SLC9A9: variants seen among roughly 807,000 people sequenced by gnomAD.
SLC9A9 encodes the protein solute carrier family 9 member A9, also known as sodium/hydrogen exchanger 9.
SLC9A9 carries 62 observed loss-of-function variants against 77.8 expected under a neutral mutation model. The ratio of observed to expected loss-of-function variants is 0.80; its 90% CI spans 0.65 to 0.98. The LOEUF (loss-of-function observed/expected upper bound fraction) is 0.98, where lower values mean the gene tolerates loss of function less well. Ranked by LOEUF, SLC9A9 falls within the 50% of genes least tolerant of loss-of-function variation. The probability of loss-of-function intolerance (pLI) is 0.00; values close to 1 mark genes in which losing one functional copy is unlikely to be tolerated. For synonymous variants in SLC9A9, 320 were observed against 283.5 expected (o/e 1.13, Z -1.29); for missense variants, 775 against 774.9 (o/e 1.00, Z 0.00).
At chr3:143,634,168 A>T (rs2038474610) in intron 6 of SLC9A9, among the ~76,000 whole-genome samples, 1 of 148,100 alleles carries the variant, frequency 6.8e-6, no homozygotes, top group African/African-American at 2.7e-5. Context: ...AAATTCAGTA[A>T]CTTTTTCAGA....
At chr3:143,743,726 C>A (rs998439649) in intron 4 of SLC9A9, among the ~76,000 whole-genome samples, 1 of 152,152 alleles carries the variant, frequency 6.6e-6, no homozygotes, top group Non-Finnish European at 1.5e-5. Context: ...AGAAATAATG[C>A]TTTATCTGTT....
At chr3:143,704,941 G>T (rs545062412) in intron 4 of SLC9A9, among the ~76,000 whole-genome samples, 1 of 151,860 alleles carries the variant, frequency 6.6e-6, no homozygotes, top group South Asian at 2.1e-4. Flanking sequence ...GCAGTCAGCT[G>T]AGATGGCCCC....
At chr3:143,447,625 C>T (rs77669916) in intron 12 of SLC9A9, among the ~76,000 whole-genome samples, 4,103 of 152,228 alleles carry the variant, frequency 0.027, 64 homozygotes, top group African/African-American at 0.041. Flanking sequence ...TCCAATACTA[C>T]GGAAAACCCT....
chr3:143,475,271 G>A (rs999791931), intron 11 of SLC9A9, among the ~76,000 whole-genome samples: 1 of 151,564 alleles, frequency 6.6e-6, no homozygotes, highest in Non-Finnish European at 1.5e-5. Context: ...CTGGCCGTTT[G>A]TTTTTCATTG....
chr3:143,477,247 T>G (rs2035491551), intron 11 of SLC9A9, among the ~76,000 whole-genome samples: 1 of 152,248 alleles, frequency 6.6e-6, no homozygotes, highest in East Asian at 1.9e-4. Flanking sequence ...TATCCTTGGC[T>G]TTCTTTCTCC....
At chr3:143,773,095 A>G (rs2007578257) in intron 4 of SLC9A9, among the ~76,000 whole-genome samples, 1 of 152,226 alleles carries the variant, frequency 6.6e-6, no homozygotes, top group African/African-American at 2.4e-5. Flanking sequence ...TACTGGTCCC[A>G]TTAGATCAAT....
chr3:143,744,155 TGCCCCCCA>T (rs754702172), intron 4 of SLC9A9, among the ~76,000 whole-genome samples: 1 of 152,214 alleles, frequency 6.6e-6, no homozygotes, highest in Non-Finnish European at 1.5e-5. Flanking sequence ...GAATTTTTAG[TGCCCCCCA>T]GCTTTAAAGA....
intron 6 of SLC9A9, among the ~76,000 whole-genome samples, chr3:143,640,162 C>G (rs72494807): frequency 0.11 from 16,542 of 151,764 alleles, 1,117 homozygotes; most frequent in African/African-American, 0.17. Context: ...GCTGGGACTA[C>G]AGGCACCGGC....
intron 6 of SLC9A9, among the ~76,000 whole-genome samples, chr3:143,607,654 C>T (rs1481516139): frequency 6.6e-6 from 1 of 151,896 alleles, no homozygotes; most frequent in African/African-American, 2.4e-5. Context: ...TAGAAAGAGT[C>T]ACTCCATAGT....
At chr3:143,269,316 T>C (rs1937831474) in intron 14 of SLC9A9, among the ~76,000 whole-genome samples, 2 of 152,216 alleles carry the variant, frequency 1.3e-5, no homozygotes, top group African/African-American at 2.4e-5. Flanking sequence ...ACATAAAAGA[T>C]TGTATTTTCT....
chr3:143,643,407 G>T (rs1263056388), intron 6 of SLC9A9, among the ~76,000 whole-genome samples: 1 of 152,222 alleles, frequency 6.6e-6, no homozygotes, highest in African/African-American at 2.4e-5. Context: ...CTTTGAAATT[G>T]CAGGCCCTAT....
At chr3:143,810,487 T>A (rs1180082747) in intron 2 of SLC9A9, among the ~76,000 whole-genome samples, 1 of 152,228 alleles carries the variant, frequency 6.6e-6, no homozygotes, top group Non-Finnish European at 1.5e-5. Flanking sequence ...AAGTGGTAGC[T>A]GGCAAATGCA....
intron 14 of SLC9A9, among the ~76,000 whole-genome samples, chr3:143,276,581 A>G: frequency 6.6e-6 from 1 of 152,320 alleles, no homozygotes; most frequent in East Asian, 1.9e-4. Flanking sequence ...TTACCAAGGA[A>G]TAGGAGAAAC....
intron 5 of SLC9A9, among the ~76,000 whole-genome samples, chr3:143,668,816 G>A (rs1285614549): frequency 1.3e-5 from 2 of 152,160 alleles, no homozygotes; most frequent in African/African-American, 4.8e-5. Flanking sequence ...CCCACTCACT[G>A]ACCTGACAGA....
At chr3:143,765,376 A>G (rs1457936208) in intron 4 of SLC9A9, among the ~76,000 whole-genome samples, 2 of 152,086 alleles carry the variant, frequency 1.3e-5, no homozygotes, top group Non-Finnish European at 2.9e-5. Context: ...TTCAGATCGT[A>G]TGAGTGTCAC....
At chr3:143,736,471 ACCT>A (rs1257527593) in intron 4 of SLC9A9, among the ~76,000 whole-genome samples, 2 of 152,104 alleles carry the variant, frequency 1.3e-5, no homozygotes, top group Admixed American at 6.6e-5. Context: ...TAAAATCCTG[ACCT>A]CCTAGAATTT....
chr3:143,774,603 G>A (rs145854577), intron 4 of SLC9A9, among the ~76,000 whole-genome samples: 6 of 152,278 alleles, frequency 3.9e-5, no homozygotes, highest in African/African-American at 1.4e-4. Flanking sequence ...AGACAGAGTA[G>A]CCTGGAAGTG....
At chr3:143,509,925 A>G (rs1176334557) in intron 9 of SLC9A9, among the ~76,000 whole-genome samples, 1 of 152,202 alleles carries the variant, frequency 6.6e-6, no homozygotes, top group Non-Finnish European at 1.5e-5. Context: ...GCTGACGCTT[A>G]GTAAGTTGCT....
rs1267322622 is a variant in SLC9A9, at chr3:143,266,451, C to A, written c.*251G>T. On this transcript the variant is annotated 3_prime_UTR_variant, in exon 16 of 16. Coordinates refer to ENST00000316549, the MANE Select transcript of SLC9A9 (RefSeq NM_173653.4). ...GCAGCTAGACTCCTGATACCTCCAT[C>A]CCCACCCCAGCCAATCCAGTAATCA... is the stretch of plus-strand genomic sequence containing the variant. 1 of 565,766 alleles carries A rather than the reference C, an allele frequency of 1.8e-6. No homozygotes were observed. Among genetic ancestry groups the A allele is most frequent in the South Asian group, 2.0e-5 (1 of 49,442 alleles). The allele number at this position is 565,766 out of a possible 1,614,324, so 35.0% of individuals were successfully genotyped here.
Sources: gnomAD v4.1 joint callset for allele counts (sites outside exome capture counted in the v4.1 genomes callset) on GRCh38, gnomAD v4.1.1 for gene constraint, MANE v1.5 for transcripts, NCBI Gene and HGNC (gene_info 2026-07-23, HGNC 2026-07-21) for gene names.